SLC25A26: variants seen among roughly 807,000 people sequenced by gnomAD.
The protein encoded by SLC25A26 is mitochondrial S-adenosylmethionine carrier protein.
SLC25A26 carries 36 observed loss-of-function variants against 37.8 expected under a neutral mutation model. The observed-to-expected ratio is 0.95, with a 90% CI of 0.73 to 1.26. The LOEUF is 1.26. Ranked by LOEUF, SLC25A26 falls within the 50% of genes most tolerant of loss-of-function variation. SLC25A26 has a pLI of 0.00. For missense variants in SLC25A26, 390 were observed against 331.1 expected, an observed-to-expected ratio of 1.18 and a Z score of -1.38; for synonymous variants, 129 against 122.5, an observed-to-expected ratio of 1.05 and a Z score of -0.35.
chr3:66,343,199 G>C (rs2076248053), intron 5 of SLC25A26, among the ~76,000 whole-genome samples: 1 of 152,198 alleles, frequency 6.6e-6, no homozygotes. Flanking sequence ...TAGCTATGGA[G>C]CTGTATTTGC....
chr3:66,310,051 C>T (rs974534344), intron 5 of SLC25A26, among the ~76,000 whole-genome samples: 4 of 152,096 alleles, frequency 2.6e-5, no homozygotes, highest in Non-Finnish European at 5.9e-5. Flanking sequence ...TCCTGAATAT[C>T]CTTGTTAATT....
chr3:66,309,753 C>T (rs547208019), intron 5 of SLC25A26, among the ~76,000 whole-genome samples: 7 of 152,218 alleles, frequency 4.6e-5, no homozygotes, highest in Non-Finnish European at 8.8e-5. Context: ...GCCTTAATTT[C>T]GTTATTTATC....
At chr3:66,354,902 T>G (rs1160149218) in intron 6 of SLC25A26, among the ~76,000 whole-genome samples, 2 of 152,192 alleles carry the variant, frequency 1.3e-5, no homozygotes, top group Non-Finnish European at 2.9e-5. Context: ...CTCCTTGCCT[T>G]CTGCCATAAT....
chr3:66,208,974 G>GTGTA (rs1224075955), intron 1 of SLC25A26, among the ~76,000 whole-genome samples: 63 of 83,114 alleles, frequency 7.6e-4, no homozygotes, highest in East Asian at 1.4e-3. Context: ...ATAAAGGTGT[G>GTGTA]TATATATATA....
At chr3:66,203,390 GA>G (rs1233292211) in intron 1 of SLC25A26, among the ~76,000 whole-genome samples, 29 of 140,532 alleles carry the variant, frequency 2.1e-4, no homozygotes, top group Middle Eastern at 3.6e-3. Context: ...TCAAAAAAAG[GA>G]AAAAAAAAAA....
rs549600430 is a variant in SLC25A26, at chr3:66,358,118, A to T, written c.499-4742A>T. Among the ~76,000 whole-genome samples, 6 of 152,372 alleles carry T rather than the reference A, an allele frequency of 3.9e-5. No individual in the cohort carries two copies. In the South Asian group the frequency reaches 1.2e-3, roughly 32 times the overall value. ...CTAAAATTATGTGAATGTCATAATC[A>T]ATACATAGTCTTCCTGTGAGTAATG... On this transcript the variant is annotated intron_variant, in intron 6 of 9. Transcript: ENST00000354883.
intron 6 of SLC25A26, among the ~76,000 whole-genome samples, chr3:66,346,882 G>A (rs2076338523): frequency 1.3e-5 from 2 of 152,226 alleles, no homozygotes; most frequent in African/African-American, 4.8e-5. Context: ...CTTGGATGGG[G>A]AGCAGCAGGG....
At chr3:66,178,112 A>G (rs1046548131) in intron 1 of SLC25A26, among the ~76,000 whole-genome samples, 1 of 151,994 alleles carries the variant, frequency 6.6e-6, no homozygotes, top group Non-Finnish European at 1.5e-5. Context: ...GGGCAGCACT[A>G]CTCCATATAG....
At chr3:66,326,703 A>C (rs1207214749) in intron 5 of SLC25A26, among the ~76,000 whole-genome samples, 1 of 152,184 alleles carries the variant, frequency 6.6e-6, no homozygotes. Context: ...TCCTGCCTCC[A>C]ATTTTCCACC....
chr3:66,146,497 T>G (rs1371930079), intron 1 of SLC25A26, among the ~76,000 whole-genome samples: 1 of 152,146 alleles, frequency 6.6e-6, no homozygotes, highest in East Asian at 1.9e-4. Flanking sequence ...TCTGCTTTTT[T>G]TATATTTTCA....
intron 6 of SLC25A26, among the ~76,000 whole-genome samples, chr3:66,360,986 G>C (rs2076693705): frequency 6.6e-6 from 1 of 152,170 alleles, no homozygotes. Flanking sequence ...ATACTACCTG[G>C]TTTCAAGATT....
chr3:66,277,060 C>A (rs953909405), intron 5 of SLC25A26, among the ~76,000 whole-genome samples: 4 of 151,306 alleles, frequency 2.6e-5, no homozygotes, highest in Non-Finnish European at 4.4e-5. Context: ...TCTTTTGATA[C>A]ATATGTACAT....
chr3:66,324,858 TTTTTC>T (rs2075796071), intron 5 of SLC25A26, among the ~76,000 whole-genome samples: 1 of 152,120 alleles, frequency 6.6e-6, no homozygotes, highest in Non-Finnish European at 1.5e-5. Context: ...GAAAAAATCT[TTTTTC>T]TTTACTCTCT....
intron 3 of SLC25A26, among the ~76,000 whole-genome samples, chr3:66,258,868 A>G (rs541740693): frequency 6.7e-6 from 1 of 149,468 alleles, no homozygotes; most frequent in African/African-American, 2.5e-5. Context: ...TTAATTATTA[A>G]CAGGATATTT....
intron 5 of SLC25A26, among the ~76,000 whole-genome samples, chr3:66,298,222 T>C (rs9812041): frequency 6.6e-6 from 1 of 152,094 alleles, no homozygotes; most frequent in Non-Finnish European, 1.5e-5. Context: ...TTCTTCTGTT[T>C]TGAAAAAAAG....
intron 1 of SLC25A26, among the ~76,000 whole-genome samples, chr3:66,171,592 T>A (rs1442152930): frequency 6.6e-6 from 1 of 152,018 alleles, no homozygotes; most frequent in Non-Finnish European, 1.5e-5. Flanking sequence ...CAGGCTTAAG[T>A]ATTTCTCATG....
At chr3:66,209,898 T>TTATTTATATATATATATA (rs2071256959) in intron 1 of SLC25A26, among the ~76,000 whole-genome samples, 1 of 38,608 alleles carries the variant, frequency 2.6e-5, no homozygotes, top group Non-Finnish European at 5.0e-5. Context: ...CTCTCTCTAT[T>TTATTTATATATATATATA]TATATATATA....
intron 4 of SLC25A26, among the ~76,000 whole-genome samples, chr3:66,262,544 A>G (rs2073570445): frequency 6.6e-6 from 1 of 152,230 alleles, no homozygotes; most frequent in South Asian, 2.1e-4. Context: ...CGTTTATACC[A>G]AAATGTAGCT....
intron 5 of SLC25A26, among the ~76,000 whole-genome samples, chr3:66,302,217 C>T (rs904887589): frequency 2.0e-5 from 3 of 152,206 alleles, no homozygotes; most frequent in African/African-American, 7.2e-5. Context: ...TTTGCTCTTA[C>T]AATCTCTAGA....
Sources: gnomAD v4.1 joint callset for allele counts (sites outside exome capture counted in the v4.1 genomes callset) on GRCh38, gnomAD v4.1.1 for gene constraint, MANE v1.5 for transcripts, NCBI Gene and HGNC (gene_info 2026-07-23, HGNC 2026-07-21) for gene names.